Variants in HSPA12B observed in about 807,000 individuals in gnomAD.
HSPA12B encodes heat shock protein family A (Hsp70) member 12B, also known as heat shock 70 kDa protein 12B.
In HSPA12B, 54 loss-of-function variants were observed where a neutral mutation model predicts 69.3. The ratio of observed to expected loss-of-function variants is 0.78; its 90% CI spans 0.63 to 0.98. The LOEUF is 0.98. HSPA12B is among the 50% of genes least tolerant of loss of function. The probability of loss-of-function intolerance (pLI) is 0.00; values close to 1 mark genes in which losing one functional copy is unlikely to be tolerated. For synonymous variants in HSPA12B, 441 were observed against 436.5 expected (o/e 1.01, Z -0.13); for missense variants, 929 against 999.8 (o/e 0.93, Z 0.96).
chr20:3,746,897 G>T (rs976340648), intron 7 of HSPA12B, among the ~76,000 whole-genome samples: 2 of 152,232 alleles, frequency 1.3e-5, no homozygotes, highest in African/African-American at 4.8e-5. Flanking sequence ...TCCAGAGGAG[G>T]TAGCAGCTGT....
At position 3,737,091 on chromosome 20, in the gene HSPA12B, AATAAATAAATAAATAT is replaced by A. The variant is rs1383291695; in HGVS notation, c.-17-1566_-17-1551del. Reference sequence around the variant, plus strand: ...AAATAAATAAATAAATAAATAAATAAATAAATAAATAAATATGAAATACATGTTCTGATTCAGCAGG... The same window carrying A: ...AAATAAATAAATAAATAAATAAATAAGAAATACATGTTCTGATTCAGCAGG... On this transcript the variant is annotated intron_variant, in intron 1 of 12. Coordinates refer to ENST00000254963, the MANE Select transcript of HSPA12B (RefSeq NM_052970.5). The surrounding 1 kb of genome is among the most constrained non-coding windows in gnomAD (Gnocchi z 4.1). Among the ~76,000 whole-genome samples, 7 of 83,152 alleles carry A rather than the reference AATAAATAAATAAATAT, an allele frequency of 8.4e-5. No homozygotes were observed. The South Asian group carries it at 2.3e-3, about 27-fold the overall frequency. 54.6% of individuals were successfully genotyped at this position (83,152 alleles called of 152,430 possible).
rs3803961 is a variant in HSPA12B at position 3,749,537 on chromosome 20, T to C, written c.938-213T>C. 0.023 allele frequency among the ~76,000 whole-genome samples: 3,445 copies of C among 152,218 alleles called. 243 individuals carry two copies. The highest frequency in any genetic ancestry group is 0.14 in the Admixed American group (2,204 of 15,298). Reference sequence around the variant, plus strand: ...TTCTCCGCGGACGCTCGGGTGGAGTTGCAGAGCCTCTGGAACCATTTCTGC... The same window carrying C: ...TTCTCCGCGGACGCTCGGGTGGAGTCGCAGAGCCTCTGGAACCATTTCTGC... On this transcript the variant is annotated intron_variant, in intron 9 of 12. Transcript: ENST00000254963. The surrounding 1 kb of genome is among the most constrained non-coding windows in gnomAD (Gnocchi z 5.5).
In HSPA12B at chr20:3,737,961, C is replaced by T. The variant is rs957575969; in HGVS notation, c.-17-697C>T. On this transcript the variant is annotated intron_variant, in intron 1 of 12. Transcript: ENST00000254963. This position sits in a 1 kb window ranked among gnomAD's most constrained non-coding sequence, Gnocchi z 4.1. The stretch of plus-strand genomic sequence containing the variant: ...GAGGTTGCAGTGAGCCAAGATCGTG[C>T]CACTGCATTCCAGCCTGGGCAACAG... Among the ~76,000 whole-genome samples the T allele has an allele frequency of 5.9e-5, 9 of 151,672 alleles. No individual in the cohort carries two copies. Among genetic ancestry groups the T allele is most frequent in the Non-Finnish European group, 8.8e-5 (6 of 67,874 alleles).
chr20:3,744,821 A>C lies in HSPA12B; in HGVS notation c.267-81A>C. On this transcript the variant is annotated intron_variant, in intron 4 of 12. Transcript: ENST00000254963. This position sits in a 1 kb window ranked among gnomAD's most constrained non-coding sequence, Gnocchi z 4.9. ...TTCTCCCTGCTCTTTCACATCTGTA[A>C]GTTTTTGCACATGCTGTTCCCTCTG... is the stretch of plus-strand genomic sequence containing the variant. 1 of 1,369,926 alleles carries C rather than the reference A, an allele frequency of 7.3e-7. No homozygotes were observed. Among genetic ancestry groups the C allele is most frequent in the South Asian group, 1.3e-5 (1 of 78,762 alleles). 84.9% of individuals were successfully genotyped at this position (1,369,926 alleles called of 1,614,324 possible). A position where few individuals can be genotyped will look rare whatever the true frequency, so the allele number is the denominator to read the frequency against.
rs2088255752 is a variant in HSPA12B at position 3,744,146 on chromosome 20, G to C, written c.267-756G>C. ...CAGACTGGGATGGGAGGTAAGAGGGGCTTCCCAAGGCCTGGAGACTGGATG... is the reference window on the plus strand; with the variant it reads ...CAGACTGGGATGGGAGGTAAGAGGGCCTTCCCAAGGCCTGGAGACTGGATG... On this transcript the variant is annotated intron_variant, in intron 4 of 12. Coordinates refer to ENST00000254963, the MANE Select transcript of HSPA12B (RefSeq NM_052970.5). This position sits in a 1 kb window ranked among gnomAD's most constrained non-coding sequence, Gnocchi z 4.9. 6.6e-6 allele frequency among the ~76,000 whole-genome samples: 1 copy of C among 152,152 alleles called. No individual in the cohort carries two copies. The highest frequency in any genetic ancestry group is 2.4e-5 in the African/African-American group (1 of 41,422).
rs759000041 is a variant in HSPA12B at position 3,740,788 on chromosome 20, G to A, written c.44-27G>A. ...TGCCATACCTACCCTGCTTGTGCCA[G>A]GATGAACTGCCGTCTCTTCTCTGCA... On this transcript the variant is annotated intron_variant, in intron 2 of 12. Transcript: ENST00000254963. This position sits in a 1 kb window ranked among gnomAD's most constrained non-coding sequence, Gnocchi z 4.9. 80 of 1,601,082 alleles carry A rather than the reference G, an allele frequency of 5.0e-5. No homozygotes were observed. The highest frequency in any genetic ancestry group is 6.8e-5 in the Non-Finnish European group (80 of 1,171,016).
chr20:3,751,812 G>A lies in HSPA12B; in HGVS notation c.1707G>A (p.Trp569Ter). 1 of 1,531,458 alleles carries A rather than the reference G, an allele frequency of 6.5e-7. No homozygotes were observed. Among genetic ancestry groups the A allele is most frequent in the Non-Finnish European group, 8.7e-7 (1 of 1,145,002 alleles). The allele number at this position is 1,531,458 out of a possible 1,614,324, so 94.9% of individuals were successfully genotyped here. A position where few individuals can be genotyped will look rare whatever the true frequency, so the allele number is the denominator to read the frequency against. The change falls in exon 13 of 13, where the codon TGG (tryptophan) becomes TGA (stop). Residue 569 changes from tryptophan (W) to a stop codon, truncating the protein, a stop_gained. Transcript: ENST00000254963. LOFTEE classifies it high-confidence loss of function. ...EKLLVRDGRR[W>*]CTDVFERFVA... is the part of the protein sequence containing the mutation. Reference sequence around the variant, plus strand: ...TGCTGGTTCGCGACGGCCGCCGCTGGTGCACCGACGTCTTCGAGCGCTTCG... The same window carrying A: ...TGCTGGTTCGCGACGGCCGCCGCTGATGCACCGACGTCTTCGAGCGCTTCG...
At chr20:3,741,726 G>A (rs1272705551) in intron 3 of HSPA12B, among the ~76,000 whole-genome samples, 2 of 152,276 alleles carry the variant, frequency 1.3e-5, no homozygotes, top group East Asian at 3.9e-4. Flanking sequence ...ACCTTGCCCT[G>A]GTGATCCAGC....
Position 3,750,135 on chromosome 20 carries a change from A to T in HSPA12B, c.1209A>T (p.Ala403=). 1.2e-6 allele frequency: 2 copies of T among 1,612,052 alleles called. No homozygotes were observed. The highest frequency in any genetic ancestry group is 1.1e-5 in the South Asian group (1 of 90,940). Residue 403 remains alanine, a synonymous_variant, in exon 11 of 13, where the codon GCA becomes GCT. Coordinates refer to ENST00000254963, the MANE Select transcript of HSPA12B (RefSeq NM_052970.5). ...ARKRTAGPHR[A]GALNISLPFS... Reference sequence around the variant, plus strand: ...AGCGCACTGCTGGCCCACACCGTGCAGGGGCGCTCAACATCTCGCTGCCCT... The same window carrying T: ...AGCGCACTGCTGGCCCACACCGTGCTGGGGCGCTCAACATCTCGCTGCCCT...
At position 3,749,321 on chromosome 20, in the gene HSPA12B, AG is replaced by A. The variant is rs1417926787; in HGVS notation, c.937+8del. The A allele has an allele frequency of 5.6e-6, 9 of 1,611,406 alleles. No homozygotes were observed. The highest frequency in any genetic ancestry group is 1.7e-5 in the Admixed American group (1 of 59,710). On this transcript the variant is annotated splice_donor_region_variant and intron_variant, in intron 9 of 12. Transcript: ENST00000254963. The surrounding 1 kb of genome is among the most constrained non-coding windows in gnomAD (Gnocchi z 5.5). Reference sequence around the variant, plus strand: ...GCTGTGGGCAGAGATGCAAGCAGGTAGGGGGAAAGGGGGACGGAGTGTTATC... The same window carrying A: ...GCTGTGGGCAGAGATGCAAGCAGGTAGGGGAAAGGGGGACGGAGTGTTATC...
Position 3,751,933 on chromosome 20 carries a change from T to C in HSPA12B, c.1828T>C (p.Cys610Arg). The C allele has an allele frequency of 6.3e-7, 1 of 1,588,274 alleles. No homozygotes were observed. The highest frequency in any genetic ancestry group is 8.5e-7 in the Non-Finnish European group (1 of 1,172,176). The change falls in exon 13 of 13, where the codon TGC becomes CGC. Residue 610 changes from cysteine to arginine, a missense_variant. By Grantham distance (180) the Cys-to-Arg change is radical (BLOSUM62 -3). Coordinates refer to ENST00000254963, the MANE Select transcript of HSPA12B (RefSeq NM_052970.5). Reference sequence around the variant, plus strand: ...GCGGCGCGTACTCATCAACCTGTACTGCTGCGCGGCAGAGGATGCGCGCTT... The same window carrying C: ...GCGGCGCGTACTCATCAACCTGTACCGCTGCGCGGCAGAGGATGCGCGCTT... ...GQRRVLINLY[C>R]CAAEDARFIT...
rs928662094 is a variant in HSPA12B, at chr20:3,745,168, C to T, written c.453+80C>T. On this transcript the variant is annotated intron_variant, in intron 5 of 12. Coordinates refer to ENST00000254963, the MANE Select transcript of HSPA12B (RefSeq NM_052970.5). This position sits in a 1 kb window ranked among gnomAD's most constrained non-coding sequence, Gnocchi z 5.6. ...CTAATGGGGGTGGGTGGGACAAAACCAAAACGTGTGAGGACCGGCCCGATG... is the reference window on the plus strand; with the variant it reads ...CTAATGGGGGTGGGTGGGACAAAACTAAAACGTGTGAGGACCGGCCCGATG... 6.2e-6 allele frequency: 8 copies of T among 1,290,412 alleles called. No homozygotes were observed. Among genetic ancestry groups the T allele is most frequent in the Middle Eastern group, 2.1e-4 (1 of 4,730 alleles). The allele number at this position is 1,290,412 out of a possible 1,614,324, so 79.9% of individuals were successfully genotyped here.
Position 3,750,224 on chromosome 20 carries a change from G to A in HSPA12B, c.1298G>A (p.Ser433Asn). The change falls in exon 11 of 13, where the codon AGC (serine) becomes AAC (asparagine). Residue 433 changes from serine (S) to asparagine (N), a missense_variant. Physicochemically the swap from Ser to Asn is conservative, Grantham distance 46. Around this residue, in one of 3 missense-constraint regions of HSPA12B, gnomAD observed 448 missense variants for 448.1 expected, o/e 1.00. Transcript: ENST00000254963. ...GHNVETALRR[S>N]SVNFVKWSSQ... Reference sequence around the variant, plus strand: ...AACGTGGAGACCGCTCTGCGCAGGAGCAGGTGGGTCCTGAGCCCGCGGGCT... The same window carrying A: ...AACGTGGAGACCGCTCTGCGCAGGAACAGGTGGGTCCTGAGCCCGCGGGCT... 6.3e-7 allele frequency: 1 copy of A among 1,595,090 alleles called. No homozygotes were observed. The highest frequency in any genetic ancestry group is 1.7e-5 in the Admixed American group (1 of 59,256).
At chr20:3,738,991 G>A (rs1256394374) in intron 2 of HSPA12B, among the ~76,000 whole-genome samples, 1 of 152,102 alleles carries the variant, frequency 6.6e-6, no homozygotes, top group Non-Finnish European at 1.5e-5. Flanking sequence ...ATGTGTATAT[G>A]AGTGTGGGCT....
Position 3,740,284 on chromosome 20 carries a change from C to G in HSPA12B, c.44-531C>G, listed in dbSNP as rs778171523. 5.3e-5 allele frequency among the ~76,000 whole-genome samples: 8 copies of G among 152,176 alleles called. No homozygotes were observed. Among genetic ancestry groups the G allele is most frequent in the Non-Finnish European group, 1.2e-4 (8 of 68,018 alleles). ...TCCTCAAGCAGCCAGCTGGGCCTGTCTGTGGCCCTTGTGGGCATGGGAGCT... is the reference window on the plus strand; with the variant it reads ...TCCTCAAGCAGCCAGCTGGGCCTGTGTGTGGCCCTTGTGGGCATGGGAGCT... On this transcript the variant is annotated intron_variant, in intron 2 of 12. Transcript: ENST00000254963. This position sits in a 1 kb window ranked among gnomAD's most constrained non-coding sequence, Gnocchi z 4.9.
At chr20:3,742,767 A>G (rs1413244182) in intron 4 of HSPA12B, among the ~76,000 whole-genome samples, 1 of 147,836 alleles carries the variant, frequency 6.8e-6, no homozygotes, top group African/African-American at 2.5e-5. Context: ...GCACGATCTT[A>G]GCTCATTGCA....
chr20:3,740,954 G>A lies in HSPA12B; in HGVS notation c.141+42G>A. On this transcript the variant is annotated intron_variant, in intron 3 of 12. Transcript: ENST00000254963. The surrounding 1 kb of genome is among the most constrained non-coding windows in gnomAD (Gnocchi z 4.9). The stretch of plus-strand genomic sequence containing the variant: ...GACCAGGTGGTGGGTGACCTGGCTG[G>A]TGTGGACAGGGTCGTGCGTGGCAAA... 6.5e-7 allele frequency: 1 copy of A among 1,547,390 alleles called. No homozygotes were observed. Among genetic ancestry groups the A allele is most frequent in the Non-Finnish European group, 8.9e-7 (1 of 1,128,732 alleles).
rs972966224 is a variant in HSPA12B, at chr20:3,740,546, G to A, written c.44-269G>A. ...GTCTCTCTCCCCTCCCACACTGTGT[G>A]TCTGAGGGGCCCTAGTGGGGAGACA... On this transcript the variant is annotated intron_variant, in intron 2 of 12. Transcript: ENST00000254963. This position sits in a 1 kb window ranked among gnomAD's most constrained non-coding sequence, Gnocchi z 4.9. Among the ~76,000 whole-genome samples the A allele has an allele frequency of 1.3e-5, 2 of 152,188 alleles. No homozygotes were observed. Among genetic ancestry groups the A allele is most frequent in the African/African-American group, 2.4e-5 (1 of 41,436 alleles).
rs899482360 is a variant in HSPA12B, at chr20:3,745,761, T to A, written c.559-154T>A. On this transcript the variant is annotated intron_variant, in intron 6 of 12. Coordinates refer to ENST00000254963, the MANE Select transcript of HSPA12B (RefSeq NM_052970.5). This position sits in a 1 kb window ranked among gnomAD's most constrained non-coding sequence, Gnocchi z 5.6. ...TCCTCCCTTTTTGTCTGGTAGAGCCTGCACCAAGCCATACTGATGGGAGGG... is the reference window on the plus strand; with the variant it reads ...TCCTCCCTTTTTGTCTGGTAGAGCCAGCACCAAGCCATACTGATGGGAGGG... Among the ~76,000 whole-genome samples the A allele has an allele frequency of 3.2e-4, 48 of 152,198 alleles. No individual in the cohort carries two copies. Among genetic ancestry groups the A allele is most frequent in the Non-Finnish European group, 1.8e-4 (12 of 68,026 alleles).
Sources: gnomAD v4.1 joint callset for allele counts (sites outside exome capture counted in the v4.1 genomes callset) on GRCh38, gnomAD v4.1.1 for gene constraint, gnomAD v4.1.1 regional missense constraint, Gnocchi (gnomAD v3.1) non-coding constraint, MANE v1.5 for transcripts, NCBI Gene and HGNC (gene_info 2026-07-23, HGNC 2026-07-21) for gene names.